DIPK1A: variants seen among roughly 807,000 people sequenced by gnomAD.
DIPK1A encodes divergent protein kinase domain 1A.
In DIPK1A, 27 loss-of-function variants were observed where a neutral mutation model predicts 40.8. The ratio of observed to expected loss-of-function variants is 0.66; its 90% CI spans 0.49 to 0.91. The LOEUF (loss-of-function observed/expected upper bound fraction) is 0.91, where lower values mean the gene tolerates loss of function less well. DIPK1A is among the 40% of genes least tolerant of loss of function. The pLI is 0.00. For synonymous variants in DIPK1A, 166 were observed against 171.3 expected (o/e 0.97, Z 0.24); for missense variants, 412 against 505.7 (o/e 0.81, Z 1.78).
chr1:92,880,062 T>G (rs556960781), intron 1 of DIPK1A, among the ~76,000 whole-genome samples: 1 of 152,356 alleles, frequency 6.6e-6, no homozygotes, highest in Admixed American at 6.5e-5. Flanking sequence ...GGAGACATGT[T>G]TGGTTTCCCA....
At chr1:92,867,449 A>G (rs1647604130) in intron 2 of DIPK1A, among the ~76,000 whole-genome samples, 1 of 152,176 alleles carries the variant, frequency 6.6e-6, no homozygotes, top group Non-Finnish European at 1.5e-5. Context: ...GCATGCAGAG[A>G]AGAAAGCTAT....
intron 1 of DIPK1A, among the ~76,000 whole-genome samples, chr1:92,905,527 T>C (rs1207494349): frequency 6.6e-6 from 1 of 152,146 alleles, no homozygotes; most frequent in Non-Finnish European, 1.5e-5. Context: ...TATTAATCCC[T>C]TTGTCAGATG....
At chr1:92,878,380 A>G (rs894269933) in intron 1 of DIPK1A, among the ~76,000 whole-genome samples, 1 of 152,154 alleles carries the variant, frequency 6.6e-6, no homozygotes, top group African/African-American at 2.4e-5. Context: ...CATTGTCTCT[A>G]TGAAAAAATT....
intron 1 of DIPK1A, among the ~76,000 whole-genome samples, chr1:92,896,041 G>A (rs1649149608): frequency 6.6e-6 from 1 of 152,092 alleles, no homozygotes; most frequent in African/African-American, 2.4e-5. Flanking sequence ...CATGCTCATG[G>A]GTAGGAAGAA....
At chr1:92,932,653 C>G (rs912578044) in intron 1 of DIPK1A, 1 of 152,032 alleles carries the variant, frequency 6.6e-6, no homozygotes, top group African/African-American at 2.4e-5. Flanking sequence ...GTCAGACATA[C>G]CCTACCTGAT....
At chr1:92,837,310 AACTG>A (rs1443459485), downstream of DIPK1A, 2 of 790,950 alleles carry the variant, frequency 2.5e-6, no homozygotes, top group Non-Finnish European at 4.7e-6. Flanking sequence ...ATATCCCACT[AACTG>A]AGCAGTCAGT....
At position 92,843,742 on chromosome 1, in the gene DIPK1A, T is replaced by A; in HGVS notation, c.928A>T (p.Met310Leu). 6.4e-7 allele frequency: 1 copy of A among 1,551,748 alleles called. No homozygotes were observed. Among genetic ancestry groups the A allele is most frequent in the Non-Finnish European group, 8.7e-7 (1 of 1,146,982 alleles). ...LGYNDKYDLK[M>L]VDMRKIVPET... ...GGCACAATTTTTCTCATATCCACCA[T>A]TTTCAAATCATACTTATCATTATAT... The change falls in exon 5 of 5, where the codon ATG becomes TTG. Residue 310 changes from methionine to leucine, a missense_variant. Coordinates refer to ENST00000370310, the MANE Select transcript of DIPK1A (RefSeq NM_001006605.5).
intron 4 of DIPK1A, chr1:92,835,124 GGTTTT>G: frequency 1.5e-6 from 1 of 660,298 alleles, no homozygotes; most frequent in Non-Finnish European, 2.6e-6. Flanking sequence ...GCTGTCCAGT[GGTTTT>G]GCCACTAGCG....
intron 1 of DIPK1A, among the ~76,000 whole-genome samples, chr1:92,903,379 A>T (rs1476667848): frequency 6.6e-6 from 1 of 152,228 alleles, no homozygotes; most frequent in Non-Finnish European, 1.5e-5. Context: ...TGCTTGTAAC[A>T]ATTAGCATTC....
intron 2 of DIPK1A, among the ~76,000 whole-genome samples, chr1:92,870,664 C>G (rs1647799064): frequency 6.6e-6 from 1 of 152,346 alleles, no homozygotes; most frequent in Admixed American, 6.5e-5. Context: ...CCACCCAAAT[C>G]TCCTTCTCCA....
intron 1 of DIPK1A, among the ~76,000 whole-genome samples, chr1:92,946,243 T>C (rs916143686): frequency 6.6e-6 from 1 of 152,168 alleles, no homozygotes; most frequent in Non-Finnish European, 1.5e-5. Flanking sequence ...ATGGAAGAAT[T>C]AACAAGTCAT....
intron 1 of DIPK1A, among the ~76,000 whole-genome samples, chr1:92,899,188 A>T (rs1346308838): frequency 2.0e-5 from 3 of 152,204 alleles, no homozygotes; most frequent in Non-Finnish European, 4.4e-5. Flanking sequence ...CTCTCCATTT[A>T]GATCAAATAA....
chr1:92,924,968 T>C (rs147664764), intron 1 of DIPK1A, among the ~76,000 whole-genome samples: 252 of 152,372 alleles, frequency 1.7e-3, no homozygotes, highest in African/African-American at 5.0e-3. Context: ...CTTTATCAGA[T>C]TGATGAAACT....
chr1:92,877,562 T>C (rs1179376633), intron 1 of DIPK1A, among the ~76,000 whole-genome samples: 2 of 152,162 alleles, frequency 1.3e-5, no homozygotes, highest in African/African-American at 4.8e-5. Flanking sequence ...ATTGGCCCTA[T>C]TTGTGGTTTA....
chr1:92,839,537 G>A (rs577346695), downstream of DIPK1A, among the ~76,000 whole-genome samples: 53 of 152,134 alleles, frequency 3.5e-4, no homozygotes, highest in Non-Finnish European at 5.1e-4. Flanking sequence ...TTAAAGGCCT[G>A]TGAGATAAAG....
At chr1:92,926,121 A>C (rs1461771968) in intron 1 of DIPK1A, among the ~76,000 whole-genome samples, 6 of 151,694 alleles carry the variant, frequency 4.0e-5, no homozygotes, top group Admixed American at 1.3e-4. Context: ...TAATTTGCTT[A>C]TTTTTTTCCA....
downstream of DIPK1A, among the ~76,000 whole-genome samples, chr1:92,838,816 T>C (rs1687223762): frequency 6.6e-6 from 1 of 152,166 alleles, no homozygotes; most frequent in South Asian, 2.1e-4. Flanking sequence ...TATAATAGAG[T>C]GCTAAAAGAG....
rs1557446800 is a variant in DIPK1A at position 92,843,387 on chromosome 1, G to A, written c.1283C>T (p.Ser428Phe). 1.3e-6 allele frequency: 2 copies of A among 1,529,970 alleles called. No individual in the cohort carries two copies. The highest frequency in any genetic ancestry group is 1.2e-5 in the South Asian group (1 of 80,862). 94.8% of individuals were successfully genotyped at this position (1,529,970 alleles called of 1,614,324 possible). A position where few individuals can be genotyped will look rare whatever the true frequency, so the allele number is the denominator to read the frequency against. The change falls in exon 5 of 5, where the codon TCT becomes TTT. Residue 428 changes from serine (S) to phenylalanine (F), a missense_variant. Physicochemically the swap from Ser to Phe is radical, Grantham distance 155. Coordinates refer to ENST00000370310, the MANE Select transcript of DIPK1A (RefSeq NM_001006605.5). ...LWKKISYTND[S>F] ...TGGTAATTATGTCCAAATGAACTAA[G>A]AGTCATTAGTGTAGGAAATTTTCTT...
Position 92,911,354 on chromosome 1 carries a change from C to T in DIPK1A, c.55-34924G>A, listed in dbSNP as rs141255853. Among the ~76,000 whole-genome samples, 724 of 152,262 alleles carry T rather than the reference C, an allele frequency of 4.8e-3. 8 individuals carry two copies. The highest frequency in any genetic ancestry group is 0.016 in the African/African-American group (683 of 41,522). On this transcript the variant is annotated intron_variant, in intron 1 of 4. Coordinates refer to ENST00000370310, the MANE Select transcript of DIPK1A (RefSeq NM_001006605.5). ...TTATGAGCCAGGAAATGGATTTTCACCAGACATTGAATCTGCAGGTACCTT... is the reference window on the plus strand; with the variant it reads ...TTATGAGCCAGGAAATGGATTTTCATCAGACATTGAATCTGCAGGTACCTT...
Sources: allele counts gnomAD v4.1 joint callset (sites outside exome capture counted in the v4.1 genomes callset), GRCh38; gene constraint gnomAD v4.1.1; transcripts MANE v1.5; gene names NCBI Gene and HGNC (gene_info 2026-07-23, HGNC 2026-07-21).